UPK1A: variants seen among roughly 807,000 people sequenced by gnomAD.
The protein encoded by UPK1A is uroplakin 1A, also known as uroplakin-1a.
Under a neutral mutation model 32.3 loss-of-function variants are expected in UPK1A, and 31 were observed. That is an observed-to-expected ratio of 0.96 (90% CI 0.72 to 1.30). The LOEUF is 1.30. UPK1A is among the 50% of genes most tolerant of loss of function. The pLI, the probability that UPK1A is intolerant of heterozygous loss-of-function variation, is 0.00. For synonymous variants in UPK1A, 135 were observed against 137.1 expected (o/e 0.98, Z 0.11); for missense variants, 340 against 357.4 (o/e 0.95, Z 0.39).
At chr19:35,671,151 G>C (rs1599630402) in intron 3 of UPK1A, among the ~76,000 whole-genome samples, 1 of 151,906 alleles carries the variant, frequency 6.6e-6, no homozygotes. Context: ...CAGTTTGGGA[G>C]GCCGAGGCAG....
intron 2 of UPK1A, 62 bp from the exon 3 acceptor site, chr19:35,668,392 A>T: frequency 6.3e-7 from 1 of 1,599,676 alleles, no homozygotes; most frequent in Non-Finnish European, 8.5e-7. Context: ...TTGCTCGTGG[A>T]GATGCCTGGT....
At chr19:35,669,521 A>AAG (rs1968053428) in intron 3 of UPK1A, among the ~76,000 whole-genome samples, 1 of 150,908 alleles carries the variant, frequency 6.6e-6, no homozygotes. Context: ...AAAAAAAAAA[A>AAG]TTAGCCACGC....
chr19:35,676,201 T>TCTTTC (rs776504487), intron 6 of UPK1A, 182 bp downstream of exon 6: 20 of 843,856 alleles, frequency 2.4e-5, no homozygotes, highest in Admixed American at 5.0e-5. Flanking sequence ...CTTTCTTTTT[T>TCTTTC]TTTTTTCAAG....
chr19:35,677,685 C>T (rs1968201982), intron 6 of UPK1A, 127 bp from the exon 7 acceptor site: 1 of 1,230,958 alleles, frequency 8.1e-7, no homozygotes, highest in Non-Finnish European at 1.1e-6. Flanking sequence ...CCATGGTCCC[C>T]ATTGCACAAG....
At chr19:35,677,030 T>G (rs1968191442) in intron 6 of UPK1A, among the ~76,000 whole-genome samples, 1 of 151,622 alleles carries the variant, frequency 6.6e-6, no homozygotes, top group African/African-American at 2.4e-5. Flanking sequence ...AAGACCAGCC[T>G]GGGCAACATA....
intron 3 of UPK1A, 29 bp from the exon 4 acceptor site, chr19:35,673,203 G>A (rs755963572): frequency 1.2e-6 from 2 of 1,611,748 alleles, no homozygotes; most frequent in Non-Finnish European, 8.5e-7. Flanking sequence ...GGCTCTGCCC[G>A]ACGGGCCGTC....
chr19:35,673,458 G>A (rs1477693198), exon 5 of UPK1A: 15 of 1,613,598 alleles, frequency 9.3e-6, no homozygotes, highest in Non-Finnish European at 1.2e-5. Context: ...ACCCATCCCT[G>A]ATCACCAAGC....
At chr19:35,669,755 G>C (rs1449500726) in intron 3 of UPK1A, among the ~76,000 whole-genome samples, 2 of 152,156 alleles carry the variant, frequency 1.3e-5, no homozygotes, top group Non-Finnish European at 2.9e-5. Flanking sequence ...ACCAGATGAG[G>C]AAACTGAGGC....
intron 5 of UPK1A, among the ~76,000 whole-genome samples, chr19:35,674,982 C>T (rs1968159269): frequency 6.8e-6 from 1 of 147,898 alleles, no homozygotes; most frequent in Non-Finnish European, 1.5e-5. Flanking sequence ...GGGGAGGTTG[C>T]AGTGAGCCAA....
At chr19:35,678,049 C>T in exon 8 of UPK1A, 1 of 1,548,234 alleles carries the variant, frequency 6.5e-7, no homozygotes, top group Non-Finnish European at 8.7e-7. Context: ...ACATACACAC[C>T]CCGGACTCCT....
At chr19:35,668,412 G>A in intron 2 of UPK1A, 42 bp from the exon 3 acceptor site, 1 of 1,611,080 alleles carries the variant, frequency 6.2e-7, no homozygotes. Context: ...TGCCAGGGCT[G>A]CTGGCCCCGA....
chr19:35,678,053 G>A, exon 8 of UPK1A: 12 of 1,542,760 alleles, frequency 7.8e-6, no homozygotes, highest in Non-Finnish European at 1.1e-5. Context: ...ACACACCCCG[G>A]ACTCCTCCGC....
exon 1 of UPK1A, chr19:35,666,530 A>G: frequency 2.2e-6 from 1 of 450,572 alleles, no homozygotes; most frequent in Non-Finnish European, 4.1e-6. Context: ...GAGGCTGCAG[A>G]CAGAGAAGGT....
intron 6 of UPK1A, among the ~76,000 whole-genome samples, chr19:35,677,574 A>G (rs953620551): frequency 4.0e-5 from 6 of 151,130 alleles, no homozygotes; most frequent in African/African-American, 1.5e-4. Flanking sequence ...AATCACCCTC[A>G]GATTGTCATA....
chr19:35,676,077 C>G, intron 6 of UPK1A, 58 bp downstream of exon 6: 1 of 1,534,412 alleles, frequency 6.5e-7, no homozygotes, highest in Non-Finnish European at 8.8e-7. Context: ...CCTCTGGTCT[C>G]TGCTCCCTCT....
Position 35,673,218 on chromosome 19 carries a change from C to G in UPK1A, c.286-14C>G. 1 of 1,613,690 alleles carries G rather than the reference C, an allele frequency of 6.2e-7. No homozygotes were observed. The highest frequency in any genetic ancestry group is 8.5e-7 in the Non-Finnish European group (1 of 1,179,946). On this transcript the variant is annotated splice_polypyrimidine_tract_variant and intron_variant, in intron 3 of 7. Coordinates refer to ENST00000617999, the Ensembl canonical transcript of UPK1A. ...GGCTCTGCCCGACGGGCCGTCCTCCCTCTGTCTCCCCAGTACCTGGTGCTC... is the reference window on the plus strand; with the variant it reads ...GGCTCTGCCCGACGGGCCGTCCTCCGTCTGTCTCCCCAGTACCTGGTGCTC...
intron 3 of UPK1A, among the ~76,000 whole-genome samples, chr19:35,669,252 C>A (rs1968049071): frequency 6.6e-6 from 1 of 152,028 alleles, no homozygotes; most frequent in South Asian, 2.1e-4. Context: ...AATGGCAGAG[C>A]CAGTTTCAAC....
intron 6 of UPK1A, chr19:35,676,279 C>T: frequency 1.6e-6 from 1 of 621,984 alleles, no homozygotes; most frequent in South Asian, 1.6e-5. Flanking sequence ...CAGCGTCTGC[C>T]TCCCGGGTTC....
intron 5 of UPK1A, 113 bp from the exon 6 acceptor site, chr19:35,675,727 G>A: frequency 1.5e-6 from 2 of 1,298,314 alleles, no homozygotes; most frequent in Non-Finnish European, 2.1e-6. Context: ...ACATGGGGAA[G>A]TTGGGCCCAG....
Sources: allele counts gnomAD v4.1 joint callset (sites outside exome capture counted in the v4.1 genomes callset), GRCh38; gene constraint gnomAD v4.1.1; transcripts MANE v1.5; gene names NCBI Gene and HGNC (gene_info 2026-07-23, HGNC 2026-07-21).